USP9Y: variants seen among roughly 807,000 people sequenced by gnomAD.
The protein encoded by USP9Y is ubiquitin carboxyl-terminal hydrolase 9Y.
In USP9Y, 41 loss-of-function variants were observed where a neutral mutation model predicts 53.1. That is an observed-to-expected ratio of 0.77 (90% CI 0.60 to 1.00). The LOEUF is 1.00. Among genes scored for constraint, USP9Y ranks in the 50% least tolerant of loss-of-function variants. The probability of loss-of-function intolerance (pLI) is 0.00; values close to 1 mark genes in which losing one functional copy is unlikely to be tolerated. For synonymous variants in USP9Y, 220 were observed against 173.7 expected, an observed-to-expected ratio of 1.27 and a Z score of -2.09; for missense variants, 567 against 535.8, an observed-to-expected ratio of 1.06 and a Z score of -0.58.
At chrY:12,721,587 A>T in intron 4 of USP9Y, among the ~76,000 whole-genome samples, 1 of 32,764 alleles carries the variant, frequency 3.1e-5, no homozygotes. Context: ...GGCTTTCTGT[A>T]TTGCCTTTTG....
At chrY:12,711,828 T>C (rs2053425133) in intron 3 of USP9Y, among the ~76,000 whole-genome samples, 1 of 32,566 alleles carries the variant, frequency 3.1e-5, no homozygotes, top group African/African-American at 1.2e-4. Flanking sequence ...GGTTTCACCA[T>C]GTTGGTCAGG....
At chrY:12,802,361 G>T in intron 27 of USP9Y, 1 of 34,660 alleles carries the variant, frequency 2.9e-5, no homozygotes, top group Non-Finnish European at 7.3e-5. Context: ...TACCCTAAAT[G>T]AGAGTATTCA....
At chrY:12,785,713 T>C (rs2053501037) in intron 22 of USP9Y, among the ~76,000 whole-genome samples, 1 of 33,656 alleles carries the variant, frequency 3.0e-5, no homozygotes, top group Non-Finnish European at 7.4e-5. Context: ...AGTGGGATGT[T>C]AATATGGTTT....
At chrY:12,847,383 T>C (rs2053567938) in intron 42 of USP9Y, 56 bp downstream of exon 42, 4 of 259,977 alleles carry the variant, frequency 1.5e-5, no homozygotes, top group Non-Finnish European at 2.5e-5. Context: ...TTGAAATGAC[T>C]GGAATTGTCA....
At chrY:12,839,291 A>G (rs2053558220) in intron 35 of USP9Y, among the ~76,000 whole-genome samples, 1 of 33,759 alleles carries the variant, frequency 3.0e-5, no homozygotes, top group East Asian at 7.6e-4. Flanking sequence ...ATGGAACTAC[A>G]TAGCCATCAG....
chrY:12,757,059 G>GGT, intron 12 of USP9Y, 133 bp from the exon 13 acceptor site: 1 of 194,614 alleles, frequency 5.1e-6, no homozygotes, highest in Non-Finnish European at 9.1e-6. Flanking sequence ...ATGCTCTTGG[G>GGT]GTGTGTGTGT....
chrY:12,858,332 CCTTTTTTTTTT>C (rs2053579715), intron 45 of USP9Y, among the ~76,000 whole-genome samples: 1 of 31,934 alleles, frequency 3.1e-5, no homozygotes, highest in African/African-American at 1.2e-4. Context: ...CAAGAATTGG[CCTTTTTTTTTT>C]CTTTTTTTGA....
intron 15 of USP9Y, among the ~76,000 whole-genome samples, chrY:12,766,735 G>T (rs2053480225): frequency 3.0e-5 from 1 of 33,074 alleles, no homozygotes; most frequent in South Asian, 6.9e-4. Context: ...ACTTTCATCT[G>T]CATTAAAAGT....
intron 3 of USP9Y, among the ~76,000 whole-genome samples, chrY:12,711,356 G>C (rs1238829203): frequency 1.5e-4 from 5 of 32,277 alleles, no homozygotes. Flanking sequence ...CAAAGAACCA[G>C]TGTGTATGGT....
At chrY:12,809,539 T>C in intron 27 of USP9Y, among the ~76,000 whole-genome samples, 2 of 32,920 alleles carry the variant, frequency 6.1e-5, no homozygotes, top group Middle Eastern at 0.028. Flanking sequence ...TGGGTTTGTC[T>C]TCCAAAATTA....
intron 1 of USP9Y, among the ~76,000 whole-genome samples, chrY:12,702,894 T>C: frequency 9.0e-5 from 3 of 33,432 alleles, no homozygotes; most frequent in South Asian, 6.7e-4. Flanking sequence ...ACTCCCTTCT[T>C]TCTGATTTGG....
Position 12,842,371 on chromosome Y carries a change from G to T in USP9Y, c.6344G>T (p.Gly2115Val). The T allele has an allele frequency of 2.5e-6, 1 of 395,829 alleles. No individual in the cohort carries two copies. Among genetic ancestry groups the T allele is most frequent in the Non-Finnish European group, 3.5e-6 (1 of 282,786 alleles). The change falls in exon 38 of 46, where the codon GGT becomes GTT. Residue 2115 changes from glycine to valine, a missense_variant. Physicochemically the swap from Gly to Val is moderately radical, Grantham distance 109 (BLOSUM62 -3). Transcript: ENST00000338981. ...LLECPSAEVR[G>V]AFAKLIVFIA... ...GAGTGCCCTAGTGCAGAAGTGAGGG[G>T]TGCATTTGCAAAACTTATAGTGTTT...
chrY:12,736,429 T>G lies in USP9Y; in HGVS notation c.1044T>G (p.Ser348=). ...KMILRLLQIS[S]FNGKMNALNE... ...CTCATAGATTGTTGCAAATTTCCTC[T>G]TTTAATGGAAAGATGAATGCACTGA... The change falls in exon 10 of 46, where the codon TCT becomes TCG. Residue 348 remains serine (S), a synonymous_variant. Coordinates refer to ENST00000338981, the MANE Select transcript of USP9Y (RefSeq NM_004654.4). 2.6e-6 allele frequency: 1 copy of G among 390,718 alleles called. No individual in the cohort carries two copies. The highest frequency in any genetic ancestry group is 3.6e-6 in the Non-Finnish European group (1 of 278,480).
intron 14 of USP9Y, among the ~76,000 whole-genome samples, chrY:12,759,416 A>G: frequency 3.0e-5 from 1 of 33,295 alleles, no homozygotes; most frequent in African/African-American, 1.2e-4. Flanking sequence ...AGATTCTCTC[A>G]TGGGTGCTGC....
intron 12 of USP9Y, among the ~76,000 whole-genome samples, chrY:12,751,895 T>G (rs2053464458): frequency 3.0e-5 from 1 of 33,456 alleles, no homozygotes; most frequent in Non-Finnish European, 7.4e-5. Flanking sequence ...ATGTTGCTCT[T>G]GTACCTTTTT....
At chrY:12,712,101 C>T in intron 3 of USP9Y, among the ~76,000 whole-genome samples, 1 of 33,260 alleles carries the variant, frequency 3.0e-5, no homozygotes. Context: ...GGCCACTGGG[C>T]GGGTTATCTT....
intron 27 of USP9Y, among the ~76,000 whole-genome samples, chrY:12,805,022 C>G: frequency 3.1e-5 from 1 of 32,445 alleles, no homozygotes; most frequent in Non-Finnish European, 7.5e-5. Context: ...CTAGTGACTT[C>G]TCTTGCTGCT....
intron 3 of USP9Y, among the ~76,000 whole-genome samples, chrY:12,710,585 T>C (rs2053424126): frequency 3.0e-5 from 1 of 32,976 alleles, no homozygotes; most frequent in African/African-American, 1.2e-4. Context: ...TGGTCTAGTT[T>C]TCGTGCAATA....
At chrY:12,703,732 T>G (rs1603195072) in intron 1 of USP9Y, among the ~76,000 whole-genome samples, 1 of 33,621 alleles carries the variant, frequency 3.0e-5, no homozygotes, top group East Asian at 7.9e-4. Flanking sequence ...TTTTATTCCC[T>G]TATTTGTCCC....
Sources: allele counts gnomAD v4.1 joint callset (sites outside exome capture counted in the v4.1 genomes callset), GRCh38; gene constraint gnomAD v4.1.1; transcripts MANE v1.5; gene names NCBI Gene and HGNC (gene_info 2026-07-23, HGNC 2026-07-21).